The following FURIN variants were observed in gnomAD, a reference collection of about 807,000 sequenced individuals.
FURIN encodes the protein FES upstream region.
A neutral mutation model predicts 89.2 loss-of-function variants in FURIN; 18 were observed. The ratio of observed to expected loss-of-function variants is 0.20; its 90% confidence interval spans 0.14 to 0.30. The LOEUF (loss-of-function observed/expected upper bound fraction) is 0.30, where lower values mean the gene tolerates loss of function less well. Among genes scored for constraint, FURIN ranks in the 10% least tolerant of loss-of-function variants. FURIN has a pLI of 1.00. For missense variants in FURIN, 879 were observed against 1,100.5 expected (o/e 0.80, Z 2.85); for synonymous variants, 508 against 466.4 (o/e 1.09, Z -1.15).
chr15:90,877,053 T>C (rs200887384), intron 5 of FURIN, 29 bp downstream of exon 5: 2 of 1,613,882 alleles, frequency 1.2e-6, no homozygotes, highest in Non-Finnish European at 1.7e-6. Flanking sequence ...GAGGCCGTGA[T>C]CCCTGCTGAG....
At chr15:90,880,320 A>C in intron 13 of FURIN, 47 bp downstream of exon 13, 5 of 1,469,748 alleles carry the variant, frequency 3.4e-6, no homozygotes, top group Non-Finnish European at 4.6e-6. Context: ...GCCGCCTCTC[A>C]CAGCCCGCGT....
rs752436914 is a variant in FURIN at position 90,877,230 on chromosome 15, C to T, written c.578+19C>T. 15 of 1,562,220 alleles carry T rather than the reference C, an allele frequency of 9.6e-6. No homozygotes were observed. Among genetic ancestry groups the T allele is most frequent in the East Asian group, 4.5e-5 (2 of 44,542 alleles). On this transcript the variant is annotated intron_variant, in intron 6 of 15. Transcript: ENST00000268171. ...ACAACAGGTAAGAAGTGGCAGGCCC[C>T]GGTCTCTGCCTCCCTTCTCCTTTCT...
intron 7 of FURIN, 119 bp from the exon 8 acceptor site, chr15:90,878,013 G>A (rs1596077191): frequency 5.4e-6 from 5 of 917,824 alleles, no homozygotes; most frequent in East Asian, 2.6e-5. Flanking sequence ...CTCAGCATCA[G>A]CCTCCACCCT....
rs1244534087 is a variant in FURIN, at chr15:90,882,021, G to A, written c.*143G>A. The A allele has an allele frequency of 1.7e-5, 11 of 648,440 alleles. No homozygotes were observed. The highest frequency in any genetic ancestry group is 3.0e-5 in the Admixed American group (1 of 33,538). The allele number at this position is 648,440 out of a possible 1,614,324, so 40.2% of individuals were successfully genotyped here. On this transcript the variant is annotated 3_prime_UTR_variant, in exon 16 of 16. Coordinates refer to ENST00000268171, the MANE Select transcript of FURIN (RefSeq NM_002569.4). Reference sequence around the variant, plus strand: ...AGACTGCTTCCCATCCTACCCTCGGGCCCACCTGGCCACCTGAGGTGGGCC... The same window carrying A: ...AGACTGCTTCCCATCCTACCCTCGGACCCACCTGGCCACCTGAGGTGGGCC...
At chr15:90,875,377 G>C (rs995781354) in intron 1 of FURIN, among the ~76,000 whole-genome samples, 3 of 152,102 alleles carry the variant, frequency 2.0e-5, no homozygotes, top group Admixed American at 6.5e-5. Flanking sequence ...AAAGGATTGG[G>C]GGGGATTGTG....
At chr15:90,875,524 G>C (rs750547280) in intron 1 of FURIN, 58 bp from the exon 2 acceptor site, 2 of 470,212 alleles carry the variant, frequency 4.3e-6, no homozygotes, top group Non-Finnish European at 7.5e-6. Context: ...GGCAGCTTTA[G>C]TGCGTAGCAG....
At chr15:90,880,295 G>A (rs555129391) in intron 13 of FURIN, 22 bp downstream of exon 13, 13 of 1,571,278 alleles carry the variant, frequency 8.3e-6, no homozygotes, top group Middle Eastern at 4.1e-4. Flanking sequence ...GTCCCTGCCC[G>A]CCCTGCCCAG....
chr15:90,881,458 C>A lies in FURIN; in HGVS notation c.1965C>A (p.Ala655=). The change falls in exon 16 of 16, where the codon GCC becomes GCA. Residue 655 remains alanine, a synonymous_variant. Transcript: ENST00000268171. The surrounding 1 kb of genome is among the most constrained non-coding windows in gnomAD (Gnocchi z 4.3). ...HASCATCQGP[A]LTDCLSCPSH... ...CATGTGCCACATGCCAGGGGCCGGC[C>A]CTGACAGACTGCCTCAGCTGCCCCA... 1 of 1,612,430 alleles carries A rather than the reference C, an allele frequency of 6.2e-7. No individual in the cohort carries two copies. Among genetic ancestry groups the A allele is most frequent in the East Asian group, 2.2e-5 (1 of 44,864 alleles).
rs1014731912 is a variant in FURIN, at chr15:90,880,960, A to G, written c.1712A>G (p.Tyr571Cys). The G allele has an allele frequency of 3.1e-6, 5 of 1,614,020 alleles. No individual in the cohort carries two copies. The highest frequency in any genetic ancestry group is 4.2e-6 in the Non-Finnish European group (5 of 1,179,950). ...GTLTKFTLVL[Y>C]GTAPEGLPVP... Reference sequence around the variant, plus strand: ...CTGACCAAGTTCACCCTCGTACTCTATGGCACCGCCCCTGAGGGGCTGCCC... The same window carrying G: ...CTGACCAAGTTCACCCTCGTACTCTGTGGCACCGCCCCTGAGGGGCTGCCC... Residue 571 changes from tyrosine to cysteine, a missense_variant, in exon 15 of 16, where the codon TAT becomes TGT. Around this residue, in one of 5 missense-constraint regions of FURIN, gnomAD observed 457 missense variants for 490.7 expected, o/e 0.93. Transcript: ENST00000268171.
chr15:90,880,694 A>T lies in FURIN; in HGVS notation c.1560A>T (p.Pro520=). ...CTGTGTGCACTCCCCTCCCCAGGCC[A>T]CATGACTACTCCGCAGATGGGTTTA... ...GTRSTLLAAR[P]HDYSADGFND... is the part of the protein sequence containing the mutation. The change falls in exon 14 of 16, where the codon CCA becomes CCT. Residue 520 remains proline (P), a synonymous_variant. Transcript: ENST00000268171. 1 of 1,612,966 alleles carries T rather than the reference A, an allele frequency of 6.2e-7. No homozygotes were observed. Among genetic ancestry groups the T allele is most frequent in the Non-Finnish European group, 8.5e-7 (1 of 1,179,356 alleles).
chr15:90,880,851 G>A, intron 14 of FURIN, 36 bp downstream of exon 14: 1 of 1,611,316 alleles, frequency 6.2e-7, no homozygotes, highest in South Asian at 1.1e-5. Context: ...GGTACGAGGT[G>A]GAGGGCTGGC....
chr15:90,878,704 C>T (rs1387120202), intron 8 of FURIN, 60 bp from the exon 9 acceptor site: 2 of 1,024,522 alleles, frequency 2.0e-6, no homozygotes, highest in East Asian at 2.4e-5. Context: ...CAGCAGTGTC[C>T]TCCTGCCAGC....
At chr15:90,877,691 C>A in intron 7 of FURIN, 76 bp downstream of exon 7, 2 of 972,464 alleles carry the variant, frequency 2.1e-6, no homozygotes, top group African/African-American at 1.6e-5. Context: ...TCCCATCTGG[C>A]CAATGCCTGC....
Position 90,881,100 on chromosome 15 carries a change from G to A in FURIN, c.1792+60G>A. ...GAGTCTGGGGGTAAGGCGGGTGCCTGTCCTGAAGCCCAGCTCTAACAGAAA... is the reference window on the plus strand; with the variant it reads ...GAGTCTGGGGGTAAGGCGGGTGCCTATCCTGAAGCCCAGCTCTAACAGAAA... On this transcript the variant is annotated intron_variant, in intron 15 of 15. Coordinates refer to ENST00000268171, the MANE Select transcript of FURIN (RefSeq NM_002569.4). The surrounding 1 kb of genome is among the most constrained non-coding windows in gnomAD (Gnocchi z 4.3). The A allele has an allele frequency of 7.6e-7, 1 of 1,322,294 alleles. No homozygotes were observed. The highest frequency in any genetic ancestry group is 1.1e-6 in the Non-Finnish European group (1 of 915,586). 81.9% of individuals were successfully genotyped at this position (1,322,294 alleles called of 1,614,324 possible). A position where few individuals can be genotyped will look rare whatever the true frequency, so the allele number is the denominator to read the frequency against.
chr15:90,875,740 C>G lies in FURIN; in HGVS notation c.-1C>G, dbSNP rs759531505. ...CAGGGTCCCAGCCACCTGTCCCCCC[C>G]ATGGAGCTGAGGCCCTGGTTGCTAT... is the stretch of plus-strand genomic sequence containing the variant. On this transcript the variant is annotated 5_prime_UTR_variant, in exon 2 of 16. Coordinates refer to ENST00000268171, the MANE Select transcript of FURIN (RefSeq NM_002569.4). 32 of 1,539,886 alleles carry G rather than the reference C, an allele frequency of 2.1e-5. No homozygotes were observed. The highest frequency in any genetic ancestry group is 2.6e-5 in the Non-Finnish European group (30 of 1,140,096).
Position 90,883,426 on chromosome 15 carries a change from A to C in FURIN, c.*1548A>C, listed in dbSNP as rs2032145831. 6.6e-6 allele frequency: 1 copy of C among 152,578 alleles called. No individual in the cohort carries two copies. The highest frequency in any genetic ancestry group is 2.4e-5 in the African/African-American group (1 of 41,456). The allele number at this position is 152,578 out of a possible 1,614,324, so 9.5% of individuals were successfully genotyped here. On this transcript the variant is annotated 3_prime_UTR_variant, in exon 16 of 16. Transcript: ENST00000268171. ...ACATGAGATAATGTTAGAGGTTTTA[A>C]AGTGATTAAACGTGCAGACTATGCA...
rs1270981278 is a variant in FURIN at position 90,878,320 on chromosome 15, G to C, written c.840+16G>C. 1.3e-5 allele frequency: 20 copies of C among 1,561,276 alleles called. No homozygotes were observed. Among genetic ancestry groups the C allele is most frequent in the Non-Finnish European group, 1.7e-5 (19 of 1,151,084 alleles). ...GGTTAGCCAGGTGAGGTGGGGATCT[G>C]TCCAGCCCCTGCGGGCAGGTTGGGT... is the stretch of plus-strand genomic sequence containing the variant. On this transcript the variant is annotated intron_variant, in intron 8 of 15. Coordinates refer to ENST00000268171, the MANE Select transcript of FURIN (RefSeq NM_002569.4).
Position 90,882,018 on chromosome 15 carries a change from C to T in FURIN, c.*140C>T, listed in dbSNP as rs1310725854. The T allele has an allele frequency of 6.0e-6, 4 of 663,584 alleles. No homozygotes were observed. The highest frequency in any genetic ancestry group is 3.7e-5 in the African/African-American group (2 of 54,392). The allele number at this position is 663,584 out of a possible 1,614,324, so 41.1% of individuals were successfully genotyped here. A position where few individuals can be genotyped will look rare whatever the true frequency, so the allele number is the denominator to read the frequency against. On this transcript the variant is annotated 3_prime_UTR_variant, in exon 16 of 16. Transcript: ENST00000268171. Reference sequence around the variant, plus strand: ...TGGAGACTGCTTCCCATCCTACCCTCGGGCCCACCTGGCCACCTGAGGTGG... The same window carrying T: ...TGGAGACTGCTTCCCATCCTACCCTTGGGCCCACCTGGCCACCTGAGGTGG...
rs376057327 is a variant in FURIN, at chr15:90,879,423, A to G, written c.1054-21A>G. Reference sequence around the variant, plus strand: ...CCCCCTCCACCCATCACAGGCCCCAATATGATTCTCTTCCTGGCAGGTGAC... The same window carrying G: ...CCCCCTCCACCCATCACAGGCCCCAGTATGATTCTCTTCCTGGCAGGTGAC... On this transcript the variant is annotated intron_variant, in intron 9 of 15. Transcript: ENST00000268171. 3.5e-5 allele frequency: 55 copies of G among 1,572,922 alleles called. No individual in the cohort carries two copies. In the Admixed American group the frequency reaches 3.7e-4, roughly 10 times the overall value.
Sources: allele counts gnomAD v4.1 joint callset (sites outside exome capture counted in the v4.1 genomes callset), GRCh38; gene constraint gnomAD v4.1.1; regional missense constraint gnomAD v4.1.1; non-coding constraint Gnocchi (gnomAD v3.1); transcripts MANE v1.5; gene names NCBI Gene and HGNC (gene_info 2026-07-23, HGNC 2026-07-21).